PCCA: variants seen among roughly 807,000 people sequenced by gnomAD.
PCCA encodes the protein propionyl-CoA carboxylase alpha chain, mitochondrial.
Under a neutral mutation model 101.3 loss-of-function variants are expected in PCCA, and 74 were observed. The ratio of observed to expected loss-of-function variants is 0.73; its 90% CI spans 0.61 to 0.89. PCCA has a LOEUF of 0.89. PCCA is among the 40% of genes least tolerant of loss of function. The pLI is 0.00. For missense variants in PCCA, 891 were observed against 907.0 expected, an observed-to-expected ratio of 0.98 and a Z score of 0.23; for synonymous variants, 294 against 313.6, an observed-to-expected ratio of 0.94 and a Z score of 0.66.
At chr13:100,392,297 T>C (rs2076835935) in intron 19 of PCCA, among the ~76,000 whole-genome samples, 1 of 152,170 alleles carries the variant, frequency 6.6e-6, no homozygotes, top group Non-Finnish European at 1.5e-5. Flanking sequence ...CTTTAATAAA[T>C]TAGAATGTTG....
chr13:100,154,792 A>G (rs2053699915), intron 4 of PCCA, 187 bp from the exon 5 acceptor site: 8 of 589,906 alleles, frequency 1.4e-5, no homozygotes, highest in Non-Finnish European at 2.1e-5. Context: ...GTAATAAATG[A>G]AATCATGGTT....
chr13:100,432,992 T>C (rs1023263153), intron 20 of PCCA, among the ~76,000 whole-genome samples: 1 of 152,256 alleles, frequency 6.6e-6, no homozygotes, highest in Non-Finnish European at 1.5e-5. Context: ...TATGGCTGAA[T>C]AATATTCCAT....
chr13:100,369,202 C>T (rs1185143994), intron 19 of PCCA, among the ~76,000 whole-genome samples: 1 of 152,078 alleles, frequency 6.6e-6, no homozygotes. Context: ...AAGTCGTATG[C>T]CTTCGTGTTT....
intron 12 of PCCA, among the ~76,000 whole-genome samples, chr13:100,275,489 G>A (rs762046028): frequency 7.2e-5 from 11 of 152,076 alleles, no homozygotes; most frequent in Admixed American, 5.2e-4. Context: ...TTTTACTCTC[G>A]ACCTACCTGT....
At chr13:100,149,136 G>T (rs1425205820) in intron 4 of PCCA, 3 of 143,338 alleles carry the variant, frequency 2.1e-5, no homozygotes, top group Non-Finnish European at 4.6e-5. Flanking sequence ...TTTTTTTTTA[G>T]AAATAGGATT....
intron 18 of PCCA, among the ~76,000 whole-genome samples, chr13:100,367,179 T>G (rs1440051026): frequency 6.6e-6 from 1 of 152,252 alleles, no homozygotes; most frequent in East Asian, 1.9e-4. Context: ...TTTTGTTACT[T>G]TAAAAAGTCG....
chr13:100,336,675 C>G (rs1364867784), intron 17 of PCCA, among the ~76,000 whole-genome samples: 2 of 152,106 alleles, frequency 1.3e-5, no homozygotes, highest in Middle Eastern at 3.2e-3. Flanking sequence ...GCTCTAGGCT[C>G]TGGGAATACA....
At chr13:100,167,840 C>T (rs2055206150) in intron 6 of PCCA, among the ~76,000 whole-genome samples, 1 of 152,124 alleles carries the variant, frequency 6.6e-6, no homozygotes, top group Non-Finnish European at 1.5e-5. Flanking sequence ...GATCTCGGCT[C>T]TCTGCAAGCT....
At chr13:100,381,265 T>C (rs1361288427) in intron 19 of PCCA, among the ~76,000 whole-genome samples, 2 of 151,944 alleles carry the variant, frequency 1.3e-5, no homozygotes, top group Non-Finnish European at 2.9e-5. Flanking sequence ...GATGGGCGCC[T>C]GTAGTCCCAG....
chr13:100,092,454 C>T (rs891655319), intron 1 of PCCA, among the ~76,000 whole-genome samples: 6 of 151,788 alleles, frequency 4.0e-5, no homozygotes, highest in Non-Finnish European at 8.8e-5. Flanking sequence ...ATGATCTTGG[C>T]CTACTGCAGC....
chr13:100,319,344 A>T (rs909240195), intron 16 of PCCA, among the ~76,000 whole-genome samples: 1 of 151,728 alleles, frequency 6.6e-6, no homozygotes, highest in Non-Finnish European at 1.5e-5. Context: ...GTTTAATTAG[A>T]TCCCATTTGT....
chr13:100,527,813 G>T (rs2087976960), intron 23 of PCCA, 61 bp downstream of exon 23: 1 of 1,232,036 alleles, frequency 8.1e-7, no homozygotes, highest in South Asian at 1.2e-5. Context: ...GCCCACCTTT[G>T]AATCGTGGGT....
chr13:100,395,874 AGCAATCACGTTTTTTATCAT>A (rs994665286), intron 19 of PCCA, among the ~76,000 whole-genome samples: 1 of 152,242 alleles, frequency 6.6e-6, no homozygotes, highest in Non-Finnish European at 1.5e-5. Context: ...AACAAATCAC[AGCAATCACGTTTTTTATCAT>A]GCAGAGTGGG....
chr13:100,162,957 A>T (rs532585145), intron 6 of PCCA, among the ~76,000 whole-genome samples: 2 of 152,226 alleles, frequency 1.3e-5, no homozygotes, highest in Non-Finnish European at 2.9e-5. Context: ...ATTATGACAG[A>T]ATATCTTTTG....
intron 4 of PCCA, among the ~76,000 whole-genome samples, chr13:100,113,970 C>G (rs2048560900): frequency 6.6e-6 from 1 of 152,094 alleles, no homozygotes; most frequent in African/African-American, 2.4e-5. Context: ...ATTTTATAAG[C>G]TTTTTTCTGT....
intron 19 of PCCA, among the ~76,000 whole-genome samples, chr13:100,399,080 T>C (rs1378968661): frequency 6.6e-6 from 1 of 152,136 alleles, no homozygotes; most frequent in African/African-American, 2.4e-5. Flanking sequence ...ATGTTAAATA[T>C]GCTTTGCCTA....
chr13:100,211,929 G>A (rs373103862), intron 7 of PCCA, among the ~76,000 whole-genome samples: 104 of 152,050 alleles, frequency 6.8e-4, no homozygotes, highest in Middle Eastern at 3.4e-3. Context: ...TTGTAGAGAC[G>A]GGGGTCTCAC....
chr13:100,472,358 C>T (rs918036011), intron 21 of PCCA, among the ~76,000 whole-genome samples: 8 of 151,620 alleles, frequency 5.3e-5, no homozygotes, highest in Admixed American at 5.2e-4. Context: ...CCATCTACTC[C>T]CCAGTCTGCA....
intron 6 of PCCA, among the ~76,000 whole-genome samples, chr13:100,164,582 A>G (rs2054841953): frequency 6.6e-6 from 1 of 152,198 alleles, no homozygotes; most frequent in East Asian, 1.9e-4. Context: ...CAATTCATGT[A>G]ATCAACTTTC....
Sources: allele counts gnomAD v4.1 joint callset (sites outside exome capture counted in the v4.1 genomes callset), GRCh38; gene constraint gnomAD v4.1.1; transcripts MANE v1.5; gene names NCBI Gene and HGNC (gene_info 2026-07-23, HGNC 2026-07-21).